The following ARHGAP44 variants were observed in gnomAD, a reference collection of about 807,000 sequenced individuals.
ARHGAP44 encodes the protein Rho GTPase activating protein 44, also known as rho GTPase-activating protein 44.
A neutral mutation model predicts 106.8 loss-of-function variants in ARHGAP44; 43 were observed. That is an observed-to-expected ratio of 0.40 (90% confidence interval 0.32 to 0.52). The LOEUF is 0.52. Ranked by LOEUF, ARHGAP44 falls within the 20% of genes least tolerant of loss-of-function variation. The pLI, the probability that ARHGAP44 is intolerant of heterozygous loss-of-function variation, is 0.48. For missense variants in ARHGAP44, 866 were observed against 1,050.5 expected (o/e 0.82, Z 2.43); for synonymous variants, 439 against 410.3 (o/e 1.07, Z -0.85).
chr17:12,909,128 G>C (rs1198941717), intron 4 of ARHGAP44, among the ~76,000 whole-genome samples, 155 bp downstream of exon 4: 2 of 152,180 alleles, frequency 1.3e-5, no homozygotes, highest in African/African-American at 4.8e-5. Flanking sequence ...AGAACTCTTG[G>C]CTCTAAAGTC....
At position 12,847,512 on chromosome 17, in the gene ARHGAP44, C is replaced by CTTTTTT. The variant is rs58514182; in HGVS notation, c.54-47414_54-47409dup. ...CACCTTCCTTCAAGCTACCATCACT[C>CTTTTTT]TTTTTTTTTTTTTTTTTTTGAGACG... is the stretch of plus-strand genomic sequence containing the variant. On this transcript the variant is annotated intron_variant, in intron 1 of 20. Transcript: ENST00000379672. 5.3e-3 allele frequency among the ~76,000 whole-genome samples: 660 copies of CTTTTTT among 125,434 alleles called. 36 individuals are homozygous for CTTTTTT. The highest frequency in any genetic ancestry group is 0.02 in the African/African-American group (606 of 30,870). 82.3% of individuals were successfully genotyped at this position (125,434 alleles called of 152,430 possible). A position where few individuals can be genotyped will look rare whatever the true frequency, so the allele number is the denominator to read the frequency against.
At chr17:12,802,123 T>C (rs1020389123) in intron 1 of ARHGAP44, among the ~76,000 whole-genome samples, 1 of 152,248 alleles carries the variant, frequency 6.6e-6, no homozygotes, top group Non-Finnish European at 1.5e-5. Context: ...GAAAATGATA[T>C]GCTAATAGCC....
chr17:12,796,224 TC>T (rs1250102151), intron 1 of ARHGAP44, among the ~76,000 whole-genome samples: 1 of 152,142 alleles, frequency 6.6e-6, no homozygotes, highest in Non-Finnish European at 1.5e-5. Flanking sequence ...TGTTTTTTTT[TC>T]CTTTATATTA....
At chr17:12,801,413 C>T (rs1488430734) in intron 1 of ARHGAP44, among the ~76,000 whole-genome samples, 1 of 152,218 alleles carries the variant, frequency 6.6e-6, no homozygotes, top group African/African-American at 2.4e-5. Flanking sequence ...ACACAAGTCT[C>T]AGAGCAGGTG....
chr17:12,983,894 A>G (rs1030738044), intron 19 of ARHGAP44, among the ~76,000 whole-genome samples: 2 of 152,226 alleles, frequency 1.3e-5, no homozygotes, highest in Non-Finnish European at 2.9e-5. Flanking sequence ...GTACAATTCT[A>G]GGAAGAAACA....
chr17:12,931,112 C>G (rs1209023428), intron 7 of ARHGAP44, among the ~76,000 whole-genome samples: 1 of 152,158 alleles, frequency 6.6e-6, no homozygotes, highest in African/African-American at 2.4e-5. Context: ...TGTTCTGTTA[C>G]CCAGGCTGGA....
intron 20 of ARHGAP44, chr17:12,988,639 T>C: frequency 6.6e-6 from 1 of 152,378 alleles, no homozygotes; most frequent in Non-Finnish European, 1.5e-5. Flanking sequence ...TTCAAGAGCT[T>C]CCATGTTTGT....
intron 16 of ARHGAP44, among the ~76,000 whole-genome samples, chr17:12,962,223 C>T (rs1291604822): frequency 6.6e-6 from 1 of 152,050 alleles, no homozygotes; most frequent in Admixed American, 6.6e-5. Flanking sequence ...AGGCTGATGG[C>T]TGTTATGTCC....
At chr17:12,802,942 TATATATATATATATATATATATATATA>T (rs1262577367) in intron 1 of ARHGAP44, among the ~76,000 whole-genome samples, 2 of 13,674 alleles carry the variant, frequency 1.5e-4, no homozygotes, top group African/African-American at 6.2e-4. Context: ...TATATATATA[TATATATATATATATATATATATATATA>T]TTTTTTTTTT....
chr17:12,824,084 T>C (rs947724639), intron 1 of ARHGAP44, among the ~76,000 whole-genome samples: 3 of 152,096 alleles, frequency 2.0e-5, no homozygotes, highest in African/African-American at 4.8e-5. Flanking sequence ...CCACTCCTTA[T>C]TGGTCTCCAG....
At chr17:12,955,808 C>T (rs75458643) in intron 13 of ARHGAP44, 59 bp from the exon 14 acceptor site, 14,922 of 1,043,634 alleles carry the variant, frequency 0.014, 150 homozygotes, top group Non-Finnish European at 0.019. Flanking sequence ...GTCCAGTCCC[C>T]GGGGGACATG....
intron 1 of ARHGAP44, among the ~76,000 whole-genome samples, chr17:12,845,710 C>T (rs1299624336): frequency 2.0e-5 from 3 of 152,116 alleles, no homozygotes; most frequent in African/African-American, 7.2e-5. Flanking sequence ...TTTATCCATA[C>T]CTGGGAAGGC....
chr17:12,885,543 T>TTGTGTG (rs368471733), intron 1 of ARHGAP44, among the ~76,000 whole-genome samples: 3 of 149,218 alleles, frequency 2.0e-5, no homozygotes, highest in Admixed American at 2.0e-4. Context: ...GAGTGTGTGT[T>TTGTGTG]TGTGTGTGTG....
chr17:12,947,318 C>T (rs1009015302), intron 10 of ARHGAP44, among the ~76,000 whole-genome samples: 4 of 152,168 alleles, frequency 2.6e-5, no homozygotes, highest in Non-Finnish European at 5.9e-5. Context: ...CCTAATGTAA[C>T]CATCCTCGAA....
At chr17:12,845,320 C>T (rs897007402) in intron 1 of ARHGAP44, among the ~76,000 whole-genome samples, 3 of 151,950 alleles carry the variant, frequency 2.0e-5, no homozygotes, top group African/African-American at 4.8e-5. Context: ...CCAGCCTGGC[C>T]AACATGGTGA....
chr17:12,816,817 A>C (rs981801144), intron 1 of ARHGAP44, among the ~76,000 whole-genome samples: 1 of 152,182 alleles, frequency 6.6e-6, no homozygotes, highest in African/African-American at 2.4e-5. Flanking sequence ...ATAGGTGAGG[A>C]CTTTGACACT....
intron 17 of ARHGAP44, chr17:12,973,817 G>A: frequency 1.8e-6 from 1 of 567,588 alleles, no homozygotes; most frequent in South Asian, 2.1e-5. Context: ...AGCACAGCTT[G>A]TGGCCGCCAG....
intron 3 of ARHGAP44, among the ~76,000 whole-genome samples, chr17:12,897,718 T>TTTC (rs1235990678): frequency 6.7e-6 from 1 of 150,138 alleles, no homozygotes; most frequent in Non-Finnish European, 1.5e-5. Flanking sequence ...GTCTTTTTTT[T>TTTC]TTTTTTTTTT....
At chr17:12,921,706 A>G (rs1350883241) in intron 6 of ARHGAP44, among the ~76,000 whole-genome samples, 5 of 152,162 alleles carry the variant, frequency 3.3e-5, no homozygotes, top group Admixed American at 6.5e-5. Context: ...GATTTCAACT[A>G]TTTTCTAGAT....
Sources: gnomAD v4.1 joint callset for allele counts (sites outside exome capture counted in the v4.1 genomes callset) on GRCh38, gnomAD v4.1.1 for gene constraint, MANE v1.5 for transcripts, NCBI Gene and HGNC (gene_info 2026-07-23, HGNC 2026-07-21) for gene names.